The following MACROD2 variants were observed in gnomAD, a reference collection of about 807,000 sequenced individuals.
MACROD2 encodes ADP-ribose glycohydrolase MACROD2.
MACROD2 carries 36 observed loss-of-function variants against 70.4 expected under a neutral mutation model. The observed-to-expected ratio is 0.51, with a 90% CI of 0.39 to 0.68. The LOEUF (loss-of-function observed/expected upper bound fraction) is 0.68, where lower values mean the gene tolerates loss of function less well. Ranked by LOEUF, MACROD2 falls within the 30% of genes least tolerant of loss-of-function variation. The pLI is 0.00. For missense variants in MACROD2, 496 were observed against 538.4 expected (o/e 0.92, Z 0.78); for synonymous variants, 172 against 178.8 (o/e 0.96, Z 0.30).
At chr20:14,947,775 T>TG (rs778463832) in intron 5 of MACROD2, among the ~76,000 whole-genome samples, 25 of 152,090 alleles carry the variant, frequency 1.6e-4, no homozygotes, top group Non-Finnish European at 3.2e-4. Context: ...GACTATTTCT[T>TG]GGGGCAGGTG....
intron 3 of MACROD2, among the ~76,000 whole-genome samples, chr20:14,285,855 A>G (rs148515162): frequency 2.8e-3 from 431 of 152,146 alleles, no homozygotes; most frequent in Non-Finnish European, 4.3e-3. Flanking sequence ...AGTGACCTCT[A>G]TGGTCCTGCT....
chr20:15,133,772 AG>A (rs1393375489), intron 5 of MACROD2, among the ~76,000 whole-genome samples: 1 of 152,176 alleles, frequency 6.6e-6, no homozygotes, highest in Admixed American at 6.5e-5. Flanking sequence ...AAACAATGGT[AG>A]GATTCGTTAA....
At chr20:15,982,698 G>A (rs1206175033) in intron 13 of MACROD2, among the ~76,000 whole-genome samples, 1 of 152,152 alleles carries the variant, frequency 6.6e-6, no homozygotes, top group African/African-American at 2.4e-5. Context: ...TTAGGGTGTT[G>A]CAAACTTCAA....
At chr20:15,691,088 C>T (rs1568976925) in intron 8 of MACROD2, among the ~76,000 whole-genome samples, 3 of 152,164 alleles carry the variant, frequency 2.0e-5, no homozygotes. Flanking sequence ...GTTGCTCTGA[C>T]TTCAGAGTTC....
chr20:14,938,767 TCAAAA>T (rs372863450), intron 5 of MACROD2, among the ~76,000 whole-genome samples: 4,526 of 151,828 alleles, frequency 0.03, 156 homozygotes, highest in African/African-American at 0.083. Flanking sequence ...GGTGACTGTC[TCAAAA>T]CAAAACAAAA....
At chr20:15,673,743 G>A (rs2050014832) in intron 8 of MACROD2, among the ~76,000 whole-genome samples, 1 of 150,288 alleles carries the variant, frequency 6.7e-6, no homozygotes, top group African/African-American at 2.4e-5. Context: ...CAGTGTTCTA[G>A]GTATAATACT....
intron 3 of MACROD2, among the ~76,000 whole-genome samples, chr20:14,361,317 C>T (rs2122719619): frequency 6.6e-6 from 1 of 152,246 alleles, no homozygotes; most frequent in African/African-American, 2.4e-5. Flanking sequence ...CTATATTTGC[C>T]AGGGGTTAGT....
intron 5 of MACROD2, among the ~76,000 whole-genome samples, chr20:14,943,893 G>C (rs1043510401): frequency 6.6e-6 from 1 of 152,120 alleles, no homozygotes; most frequent in Non-Finnish European, 1.5e-5. Context: ...AAGTTGCTTT[G>C]ATGATGCCTA....
chr20:15,536,239 C>G (rs756216736), intron 8 of MACROD2, among the ~76,000 whole-genome samples: 21 of 152,140 alleles, frequency 1.4e-4, no homozygotes, highest in Non-Finnish European at 2.8e-4. Flanking sequence ...AGACATGTCA[C>G]CCCTGGTTTT....
At chr20:15,181,358 T>C (rs2076499400) in intron 5 of MACROD2, among the ~76,000 whole-genome samples, 1 of 152,240 alleles carries the variant, frequency 6.6e-6, no homozygotes, top group Admixed American at 6.5e-5. Context: ...TTCTTCCTAA[T>C]AATAGCTATT....
At chr20:15,131,979 A>G (rs905202961) in intron 5 of MACROD2, among the ~76,000 whole-genome samples, 2 of 152,068 alleles carry the variant, frequency 1.3e-5, no homozygotes, top group African/African-American at 4.8e-5. Context: ...TATACTATAT[A>G]CAAGAAATAA....
chr20:15,839,786 C>G lies in MACROD2; in HGVS notation c.646-22959C>G, dbSNP rs146925250. On this transcript the variant is annotated intron_variant, in intron 8 of 17. Transcript: ENST00000684519. ...TGTAGTTCATATGTCTATATATCAT[C>G]ATTGTGAGAATCATTCTGTATTATT... Among the ~76,000 whole-genome samples, 43 of 152,140 alleles carry G rather than the reference C, an allele frequency of 2.8e-4. No homozygotes were observed. The East Asian group carries it at 7.9e-3, about 28-fold the overall frequency.
chr20:14,784,743 C>G (rs901983452), intron 5 of MACROD2, among the ~76,000 whole-genome samples: 6 of 149,654 alleles, frequency 4.0e-5, no homozygotes, highest in African/African-American at 7.4e-5. Flanking sequence ...AGCTTGCACT[C>G]AAGCTGTCAT....
chr20:15,979,023 A>C (rs2066354494), intron 13 of MACROD2, among the ~76,000 whole-genome samples: 1 of 152,222 alleles, frequency 6.6e-6, no homozygotes, highest in African/African-American at 2.4e-5. Flanking sequence ...AGTGGATATC[A>C]CACAAAAAAC....
At chr20:14,004,830 T>G (rs1459026279) in intron 2 of MACROD2, among the ~76,000 whole-genome samples, 1 of 152,172 alleles carries the variant, frequency 6.6e-6, no homozygotes, top group Non-Finnish European at 1.5e-5. Context: ...CCTTGTCACT[T>G]AGTTTCTAAT....
chr20:15,201,351 AT>A (rs1601216715), intron 5 of MACROD2, among the ~76,000 whole-genome samples: 1 of 152,322 alleles, frequency 6.6e-6, no homozygotes, highest in East Asian at 1.9e-4. Flanking sequence ...AGTTTTAACT[AT>A]TTTGGCCATG....
chr20:15,855,742 A>G (rs145944156), intron 8 of MACROD2, among the ~76,000 whole-genome samples: 9 of 152,276 alleles, frequency 5.9e-5, no homozygotes, highest in African/African-American at 1.7e-4. Context: ...GCCTCTTTCT[A>G]TAAGGTTTTT....
chr20:15,096,329 G>T (rs900629717), intron 5 of MACROD2, among the ~76,000 whole-genome samples: 4 of 151,854 alleles, frequency 2.6e-5, no homozygotes, highest in Non-Finnish European at 4.4e-5. Flanking sequence ...CCCTTTTTCC[G>T]AATGGGCTTT....
At chr20:15,278,882 C>G (rs2077416960) in intron 6 of MACROD2, among the ~76,000 whole-genome samples, 1 of 152,232 alleles carries the variant, frequency 6.6e-6, no homozygotes, top group Admixed American at 6.5e-5. Flanking sequence ...GTCCTTACCT[C>G]TGACCTTGTT....
Sources: allele counts gnomAD v4.1 joint callset (sites outside exome capture counted in the v4.1 genomes callset), GRCh38; gene constraint gnomAD v4.1.1; transcripts MANE v1.5; gene names NCBI Gene and HGNC (gene_info 2026-07-23, HGNC 2026-07-21).